CYP3A7: variants seen among roughly 807,000 people sequenced by gnomAD.
CYP3A7 encodes cytochrome P450 family 3 subfamily A member 7, also known as cytochrome P450 3A7.
CYP3A7 carries 45 observed loss-of-function variants against 55.2 expected under a neutral mutation model. The observed-to-expected ratio is 0.82, with a 90% confidence interval of 0.64 to 1.05. The LOEUF is 1.05. Among genes scored for constraint, CYP3A7 ranks in the 50% least tolerant of loss-of-function variants. The pLI, the probability that CYP3A7 is intolerant of heterozygous loss-of-function variation, is 0.00. For synonymous variants in CYP3A7, 180 were observed against 207.4 expected (o/e 0.87, Z 1.13); for missense variants, 548 against 605.3 (o/e 0.91, Z 0.99).
At position 99,705,236 on chromosome 7, in the gene CYP3A7, G is replaced by C. The variant is rs1296925122; in HGVS notation, c.*264C>G. The C allele has an allele frequency of 2.6e-6, 1 of 378,010 alleles. No individual in the cohort carries two copies. Among genetic ancestry groups the C allele is most frequent in the Non-Finnish European group, 4.9e-6 (1 of 203,340 alleles). 23.4% of individuals were successfully genotyped at this position (378,010 alleles called of 1,614,324 possible). On this transcript the variant is annotated 3_prime_UTR_variant, in exon 13 of 13. Coordinates refer to ENST00000336374, the MANE Select transcript of CYP3A7 (RefSeq NM_000765.5). ...GAGGAGTTAATGGTGCTAACTGGGG[G>C]TGGTGGAGATAGTCCTATGAGAAGC...
chr7:99,713,614 C>T (rs988946886), intron 8 of CYP3A7, 79 bp from the exon 9 acceptor site: 17 of 1,597,150 alleles, frequency 1.1e-5, no homozygotes, highest in Non-Finnish European at 1.5e-5. Flanking sequence ...AGTCCTCAAC[C>T]TCCCTTCTGA....
At chr7:99,723,741 C>T (rs970813106) in intron 2 of CYP3A7, among the ~76,000 whole-genome samples, 1 of 152,150 alleles carries the variant, frequency 6.6e-6, no homozygotes, top group African/African-American at 2.4e-5. Flanking sequence ...TTCTCTTCTC[C>T]AACCTCTCTT....
chr7:99,734,354 TG>T (rs1326182425), intron 1 of CYP3A7, among the ~76,000 whole-genome samples: 3 of 152,196 alleles, frequency 2.0e-5, no homozygotes, highest in African/African-American at 7.2e-5. Context: ...AGGATCTCAC[TG>T]GTGAGAAGAT....
intron 10 of CYP3A7, 41 bp downstream of exon 10, chr7:99,710,691 G>C (rs772057042): frequency 2.5e-6 from 4 of 1,613,336 alleles, no homozygotes; most frequent in Admixed American, 1.7e-5. Context: ...CTTTGCTAAG[G>C]CTTCACCTCC....
intron 4 of CYP3A7, among the ~76,000 whole-genome samples, chr7:99,719,318 G>A (rs1814092155): frequency 6.6e-6 from 1 of 152,064 alleles, no homozygotes. Flanking sequence ...GTGATCAATG[G>A]GACAGAATAG....
intron 10 of CYP3A7, among the ~76,000 whole-genome samples, chr7:99,710,112 C>G (rs1813690404): frequency 6.6e-6 from 1 of 152,132 alleles, no homozygotes. Flanking sequence ...CACACAAAGA[C>G]CAGCCCAAAA....
chr7:99,734,993 C>G, intron 1 of CYP3A7, 30 bp downstream of exon 1: 1 of 1,613,878 alleles, frequency 6.2e-7, no homozygotes, highest in Non-Finnish European at 8.5e-7. Context: ...TCCAAGGAAA[C>G]AGAGAAGAGG....
intron 10 of CYP3A7, among the ~76,000 whole-genome samples, chr7:99,710,389 G>C (rs944999010): frequency 2.6e-5 from 4 of 152,284 alleles, no homozygotes; most frequent in East Asian, 3.9e-4. Context: ...AGCCAGACCA[G>C]AGCAAGTCCT....
In CYP3A7 at chr7:99,710,853, A is replaced by G. The variant is rs764390751; in HGVS notation, c.905T>C (p.Phe302Ser). The G allele has an allele frequency of 1.2e-6, 2 of 1,613,818 alleles. No individual in the cohort carries two copies. The highest frequency in any genetic ancestry group is 1.7e-6 in the Non-Finnish European group (2 of 1,179,818). ...CGTGGTTTCATAGCCAGCAAAAATA[A>G]AGATAATTGATTGGGCCATGAGCTC... The part of the protein sequence containing the change: ...DLELMAQSII[F>S]IFAGYETTSS... The change falls in exon 10 of 13, where the codon TTT becomes TCT. Residue 302 changes from phenylalanine (F) to serine (S), a missense_variant. Phe to Ser is a radical substitution (Grantham distance 155, BLOSUM62 -2). Coordinates refer to ENST00000336374, the MANE Select transcript of CYP3A7 (RefSeq NM_000765.5).
intron 1 of CYP3A7, among the ~76,000 whole-genome samples, chr7:99,733,690 A>G (rs1814717038): frequency 6.6e-6 from 1 of 152,128 alleles, no homozygotes. Context: ...GACCTCCACT[A>G]GGGGGCCAGG....
At chr7:99,732,977 A>G (rs967961620) in intron 1 of CYP3A7, among the ~76,000 whole-genome samples, 2 of 152,228 alleles carry the variant, frequency 1.3e-5, no homozygotes, top group Non-Finnish European at 2.9e-5. Context: ...CATTCTGTAC[A>G]AATCCAGTGA....
chr7:99,712,236 G>A (rs1184766568), intron 9 of CYP3A7, among the ~76,000 whole-genome samples: 1 of 152,158 alleles, frequency 6.6e-6, no homozygotes, highest in Non-Finnish European at 1.5e-5. Context: ...CGAAAGGAGT[G>A]TGAGAAATGT....
intron 11 of CYP3A7, among the ~76,000 whole-genome samples, chr7:99,708,795 A>G (rs747311064): frequency 6.6e-6 from 1 of 152,224 alleles, no homozygotes; most frequent in African/African-American, 2.4e-5. Context: ...CTTATGACCC[A>G]TAAGGACATA....
intron 2 of CYP3A7, among the ~76,000 whole-genome samples, chr7:99,726,743 T>C (rs1301381832): frequency 1.3e-5 from 2 of 152,180 alleles, no homozygotes; most frequent in Non-Finnish European, 2.9e-5. Flanking sequence ...TTCTACTCTG[T>C]AGTCCCTCCT....
At position 99,709,372 on chromosome 7, in the gene CYP3A7, G is replaced by A. The variant is rs575310511; in HGVS notation, c.1027-111C>T. 8.2e-6 allele frequency: 12 copies of A among 1,466,440 alleles called. No homozygotes were observed. The South Asian group carries it at 1.2e-4, about 15-fold the overall frequency. 90.8% of individuals were successfully genotyped at this position (1,466,440 alleles called of 1,614,324 possible). ...AAGTTCCAGAGAACAACTCATACTG[G>A]CAAAGGATTGTAGCATTCATAAAGT... On this transcript the variant is annotated intron_variant, in intron 10 of 12. Transcript: ENST00000336374.
Position 99,708,938 on chromosome 7 carries a change from G to C in CYP3A7, c.1253+97C>G, listed in dbSNP as rs1813634829. ...AAACCTTTTAAACATAAAAAGACAA[G>C]CAAACGATTGTACAAGCCCAGACTG... On this transcript the variant is annotated intron_variant, in intron 11 of 12. Coordinates refer to ENST00000336374, the MANE Select transcript of CYP3A7 (RefSeq NM_000765.5). 2.9e-6 allele frequency: 4 copies of C among 1,356,268 alleles called. No individual in the cohort carries two copies. The East Asian group carries it at 7.0e-5, about 24-fold the overall frequency. 84.0% of individuals were successfully genotyped at this position (1,356,268 alleles called of 1,614,324 possible).
chr7:99,710,190 G>A (rs1433390361), intron 10 of CYP3A7, among the ~76,000 whole-genome samples: 1 of 152,176 alleles, frequency 6.6e-6, no homozygotes, highest in Non-Finnish European at 1.5e-5. Context: ...TGGTTGATAG[G>A]CACCTAGTAC....
chr7:99,732,670 T>C (rs995479057), intron 1 of CYP3A7, among the ~76,000 whole-genome samples: 3 of 152,124 alleles, frequency 2.0e-5, no homozygotes, highest in Non-Finnish European at 4.4e-5. Context: ...GAAAAGTTGA[T>C]GGAAGAGGTA....
At chr7:99,734,098 T>C (rs1814734704) in intron 1 of CYP3A7, among the ~76,000 whole-genome samples, 1 of 152,334 alleles carries the variant, frequency 6.6e-6, no homozygotes, top group Non-Finnish European at 1.5e-5. Flanking sequence ...TTAAAAAGGA[T>C]GAATTTAAGC....
Sources: gnomAD v4.1 joint callset for allele counts (sites outside exome capture counted in the v4.1 genomes callset) on GRCh38, gnomAD v4.1.1 for gene constraint, MANE v1.5 for transcripts, NCBI Gene and HGNC (gene_info 2026-07-23, HGNC 2026-07-21) for gene names.